ADAMTS12: variants seen among roughly 807,000 people sequenced by gnomAD.
ADAMTS12 encodes A disintegrin and metalloproteinase with thrombospondin motifs 12.
ADAMTS12 carries 118 observed loss-of-function variants against 167.8 expected under a neutral mutation model. That is an observed-to-expected ratio of 0.70 (90% CI 0.61 to 0.82). The LOEUF (loss-of-function observed/expected upper bound fraction) is 0.82, where lower values mean the gene tolerates loss of function less well. ADAMTS12 is among the 40% of genes least tolerant of loss of function. ADAMTS12 has a pLI of 0.00. For synonymous variants in ADAMTS12, 704 were observed against 716.9 expected, an observed-to-expected ratio of 0.98 and a Z score of 0.29; for missense variants, 1,916 against 1,998.8, an observed-to-expected ratio of 0.96 and a Z score of 0.79.
At chr5:33,788,024 T>C (rs531053861) in intron 2 of ADAMTS12, among the ~76,000 whole-genome samples, 48 of 152,278 alleles carry the variant, frequency 3.2e-4, no homozygotes, top group African/African-American at 1.1e-3. Flanking sequence ...CCACCCACCA[T>C]AATGAACTTT....
intron 3 of ADAMTS12, among the ~76,000 whole-genome samples, chr5:33,723,907 A>G (rs1743888541): frequency 6.6e-6 from 1 of 152,250 alleles, no homozygotes; most frequent in Admixed American, 6.5e-5. Flanking sequence ...TGGAAGATGT[A>G]GGAAGCTGCC....
chr5:33,581,836 C>T (rs1747080750), intron 18 of ADAMTS12, among the ~76,000 whole-genome samples: 1 of 152,034 alleles, frequency 6.6e-6, no homozygotes, highest in African/African-American at 2.4e-5. Context: ...GTATCCACAT[C>T]AAAAGGGGAA....
chr5:33,833,661 A>G (rs1278008895), intron 2 of ADAMTS12, among the ~76,000 whole-genome samples: 2 of 152,210 alleles, frequency 1.3e-5, no homozygotes, highest in African/African-American at 4.8e-5. Context: ...TTTTCTCTAC[A>G]ATGCTCTACA....
At chr5:33,736,875 T>G (rs1744394430) in intron 3 of ADAMTS12, among the ~76,000 whole-genome samples, 1 of 152,170 alleles carries the variant, frequency 6.6e-6, no homozygotes, top group African/African-American at 2.4e-5. Flanking sequence ...CTTCAATGGC[T>G]TCCAGCAAGT....
At chr5:33,563,089 TTA>T (rs1745826304) in intron 19 of ADAMTS12, among the ~76,000 whole-genome samples, 1 of 152,222 alleles carries the variant, frequency 6.6e-6, no homozygotes, top group African/African-American at 2.4e-5. Flanking sequence ...AGTGAGTCAT[TTA>T]TAGAGGTAAT....
In ADAMTS12 at chr5:33,534,101, G is replaced by A. The variant is rs182002584; in HGVS notation, c.4606+732C>T. On this transcript the variant is annotated intron_variant, in intron 23 of 23. Coordinates refer to ENST00000504830, the MANE Select transcript of ADAMTS12 (RefSeq NM_030955.4). ...ATAGCTGAACCTACCCAACCTATAG[G>A]AGCTCCTTTGTCTCTCACGCAGAGA... Among the ~76,000 whole-genome samples, 531 of 152,270 alleles carry A rather than the reference G, an allele frequency of 3.5e-3. 4 individuals carry two copies. Among genetic ancestry groups the A allele is most frequent in the African/African-American group, 0.012 (495 of 41,540 alleles).
intron 22 of ADAMTS12, among the ~76,000 whole-genome samples, chr5:33,537,231 T>C (rs1744462262): frequency 6.6e-6 from 1 of 152,214 alleles, no homozygotes; most frequent in Admixed American, 6.5e-5. Flanking sequence ...ATCAATCAAC[T>C]TGATGGAATA....
chr5:33,774,804 C>T (rs1047510568), intron 2 of ADAMTS12, among the ~76,000 whole-genome samples: 3 of 152,102 alleles, frequency 2.0e-5, no homozygotes, highest in African/African-American at 4.8e-5. Flanking sequence ...CCTGCTTTGC[C>T]CAGCTTTATT....
At chr5:33,797,666 C>G (rs928650747) in intron 2 of ADAMTS12, among the ~76,000 whole-genome samples, 4 of 152,016 alleles carry the variant, frequency 2.6e-5, no homozygotes, top group Non-Finnish European at 4.4e-5. Context: ...ATAAATAATA[C>G]CTTACTTACT....
At chr5:33,700,489 T>G (rs530155745) in intron 3 of ADAMTS12, among the ~76,000 whole-genome samples, 3 of 152,230 alleles carry the variant, frequency 2.0e-5, no homozygotes, top group Non-Finnish European at 2.9e-5. Flanking sequence ...TTTTAGAAAT[T>G]TTAGGACAGA....
intron 5 of ADAMTS12, among the ~76,000 whole-genome samples, chr5:33,677,225 G>C (rs539218343): frequency 1.3e-5 from 2 of 152,286 alleles, no homozygotes; most frequent in Admixed American, 1.3e-4. Flanking sequence ...GCTAAATGAT[G>C]ATGATGATAA....
At chr5:33,854,037 C>T (rs1160684095) in intron 2 of ADAMTS12, among the ~76,000 whole-genome samples, 1 of 152,186 alleles carries the variant, frequency 6.6e-6, no homozygotes, top group Non-Finnish European at 1.5e-5. Flanking sequence ...GGTGGAATTG[C>T]CCTTTATGCA....
At chr5:33,864,165 A>G (rs1482170678) in intron 2 of ADAMTS12, among the ~76,000 whole-genome samples, 1 of 152,230 alleles carries the variant, frequency 6.6e-6, no homozygotes, top group African/African-American at 2.4e-5. Flanking sequence ...ACCCCATCAA[A>G]AAGTAGGCAA....
intron 9 of ADAMTS12, among the ~76,000 whole-genome samples, chr5:33,645,139 C>CTCTA (rs1740613508): frequency 7.0e-6 from 1 of 142,670 alleles, no homozygotes; most frequent in South Asian, 2.3e-4. Context: ...AGGACAAATG[C>CTCTA]TTTATTTATT....
Position 33,526,907 on chromosome 5 carries a change from A to C in ADAMTS12, c.*281T>G, listed in dbSNP as rs1743842831. On this transcript the variant is annotated 3_prime_UTR_variant, in exon 24 of 24. Transcript: ENST00000504830. ...GAGAACAAAAATACAGTATTTCACA[A>C]ATCTGTCTAACCTGGCACCTTTCCC... 1 of 379,654 alleles carries C rather than the reference A, an allele frequency of 2.6e-6. No individual in the cohort carries two copies. The highest frequency in any genetic ancestry group is 2.0e-5 in the African/African-American group (1 of 49,532). The allele number at this position is 379,654 out of a possible 1,614,324, so 23.5% of individuals were successfully genotyped here.
intron 2 of ADAMTS12, among the ~76,000 whole-genome samples, chr5:33,809,882 T>G (rs748325724): frequency 6.4e-5 from 9 of 139,884 alleles, no homozygotes; most frequent in Non-Finnish European, 1.1e-4. Context: ...TAGTAGAGAC[T>G]GGGGGTGGGG....
chr5:33,702,469 G>A (rs1395723756), intron 3 of ADAMTS12, among the ~76,000 whole-genome samples: 3 of 152,148 alleles, frequency 2.0e-5, no homozygotes, highest in African/African-American at 7.2e-5. Flanking sequence ...ATGCATAGTG[G>A]TGTAGACAGG....
At chr5:33,690,532 T>C (rs994828188) in intron 3 of ADAMTS12, among the ~76,000 whole-genome samples, 2 of 151,920 alleles carry the variant, frequency 1.3e-5, no homozygotes, top group African/African-American at 4.8e-5. Flanking sequence ...ACTCACTTCA[T>C]TCAGAATATG....
chr5:33,862,329 G>C (rs544316504), intron 2 of ADAMTS12, among the ~76,000 whole-genome samples: 1 of 151,518 alleles, frequency 6.6e-6, no homozygotes, highest in Non-Finnish European at 1.5e-5. Flanking sequence ...AGACACAATA[G>C]GGGAAAATCA....
Sources: gnomAD v4.1 joint callset for allele counts (sites outside exome capture counted in the v4.1 genomes callset) on GRCh38, gnomAD v4.1.1 for gene constraint, MANE v1.5 for transcripts, NCBI Gene and HGNC (gene_info 2026-07-23, HGNC 2026-07-21) for gene names.